The following ATRX variants were observed in gnomAD, a reference collection of about 807,000 sequenced individuals.
ATRX encodes the protein ATRX chromatin remodeler, also known as chromatin remodeler ATRX.
A neutral mutation model predicts 172.6 loss-of-function variants in ATRX; 12 were observed. That is an observed-to-expected ratio of 0.07 (90% CI 0.04 to 0.11). The LOEUF is 0.11. Ranked by LOEUF, ATRX falls within the 10% of genes least tolerant of loss-of-function variation. The probability of loss-of-function intolerance (pLI) is 1.00; values close to 1 mark genes in which losing one functional copy is unlikely to be tolerated. For synonymous variants in ATRX, 674 were observed against 594.7 expected (o/e 1.13, Z -1.94); for missense variants, 1,368 against 1,767.4 (o/e 0.77, Z 4.05).
chrX:77,538,700 A>G (rs193211230), intron 30 of ATRX, among the ~76,000 whole-genome samples: 25 of 111,799 alleles, frequency 2.2e-4, no homozygotes, highest in Admixed American at 1.9e-3. Flanking sequence ...AAAACACAGT[A>G]GCCTGAGCAA....
At chrX:77,600,874 T>C (rs2066648060) in intron 22 of ATRX, 1 of 204,501 alleles carries the variant, frequency 4.9e-6, no homozygotes, top group Non-Finnish European at 8.9e-6. Context: ...TTGATAAACA[T>C]AAATGATTTT....
Position 77,682,093 on chromosome X carries a change from T to G in ATRX, c.3163A>C (p.Lys1055Gln). Residue 1055 changes from lysine to glutamine, a missense_variant, in exon 9 of 35, where the codon AAA (lysine) becomes CAA (glutamine). Lys to Gln is a moderately conservative substitution (Grantham distance 53). Transcript: ENST00000373344. ...KSKKIRDKTS[K>Q]KKDELSDYAE... ...TAATCAGATAATTCATCCTTCTTTT[T>G]AGAAGTTTTATCTCTTATTTTTTTA... The G allele has an allele frequency of 8.3e-7, 1 of 1,209,812 alleles. No individual in the cohort carries two copies. Among genetic ancestry groups the G allele is most frequent in the East Asian group, 3.0e-5 (1 of 33,797 alleles).
intron 5 of ATRX, among the ~76,000 whole-genome samples, chrX:77,695,716 A>T (rs781904072): frequency 1.8e-5 from 2 of 111,495 alleles, no homozygotes; most frequent in East Asian, 5.6e-4. Context: ...TGTAACTTCT[A>T]ATTTATCCTA....
intron 30 of ATRX, among the ~76,000 whole-genome samples, chrX:77,553,590 T>G (rs1306497427): frequency 9.0e-6 from 1 of 111,730 alleles, no homozygotes; most frequent in Non-Finnish European, 1.9e-5. Flanking sequence ...AGTATCTCCT[T>G]ATACTCTTAT....
chrX:77,633,876 A>G (rs2068223715), intron 17 of ATRX, 164 bp from the exon 18 acceptor site: 1 of 483,435 alleles, frequency 2.1e-6, no homozygotes, highest in Admixed American at 3.7e-5. Flanking sequence ...GCCAAAGTTC[A>G]ACTAGATGAT....
intron 1 of ATRX, among the ~76,000 whole-genome samples, chrX:77,765,476 T>C (rs551518920): frequency 2.7e-5 from 3 of 111,390 alleles, no homozygotes; most frequent in African/African-American, 9.8e-5. Context: ...TTAACATACC[T>C]TAGAGAAAAA....
At chrX:77,655,372 G>T (rs1026179653) in intron 13 of ATRX, among the ~76,000 whole-genome samples, 9 of 110,522 alleles carry the variant, frequency 8.1e-5, no homozygotes, top group African/African-American at 2.6e-4. Flanking sequence ...AAAGAATGAA[G>T]TACTGATACA....
chrX:77,681,814 C>T lies in ATRX; in HGVS notation c.3442G>A (p.Glu1148Lys), dbSNP rs2148573185. 2 of 1,199,157 alleles carry T rather than the reference C, an allele frequency of 1.7e-6. No homozygotes were observed. The highest frequency in any genetic ancestry group is 2.2e-6 in the Non-Finnish European group (2 of 891,142). ...RNLSSKRNTK[E>K]IQSGSSSSDA... Reference sequence around the variant, plus strand: ...GATGATGATGAGCCACTTTGTATTTCCTTAGTATTTCTCTTTGAACTTAAA... The same window carrying T: ...GATGATGATGAGCCACTTTGTATTTTCTTAGTATTTCTCTTTGAACTTAAA... Residue 1148 changes from glutamate (E) to lysine (K), a missense_variant, in exon 9 of 35, where the codon GAA (glutamate) becomes AAA (lysine). Glu to Lys is a moderately conservative substitution (Grantham distance 56). Transcript: ENST00000373344.
chrX:77,738,162 C>G (rs1557180058), intron 1 of ATRX, among the ~76,000 whole-genome samples: 1 of 108,411 alleles, frequency 9.2e-6, no homozygotes, highest in Non-Finnish European at 1.9e-5. Flanking sequence ...TAGTGAGATC[C>G]CATCTCTACA....
At chrX:77,679,483 A>G (rs2071073786) in intron 9 of ATRX, among the ~76,000 whole-genome samples, 1 of 112,050 alleles carries the variant, frequency 8.9e-6, no homozygotes, top group African/African-American at 3.2e-5. Context: ...ATAAGTAATT[A>G]TCAAGAGATG....
chrX:77,582,319 G>C (rs1440830869), intron 27 of ATRX, among the ~76,000 whole-genome samples: 3 of 109,066 alleles, frequency 2.8e-5, no homozygotes, highest in African/African-American at 1.0e-4. Context: ...AGAATCATTT[G>C]AACCTGAGAG....
chrX:77,772,101 C>T (rs1270192314), intron 1 of ATRX, among the ~76,000 whole-genome samples: 1 of 110,513 alleles, frequency 9.0e-6, no homozygotes, highest in Admixed American at 9.7e-5. Flanking sequence ...TCGAGACCAT[C>T]CTGACCAACA....
At chrX:77,515,961 A>G (rs1355730975) in intron 34 of ATRX, among the ~76,000 whole-genome samples, 2 of 111,784 alleles carry the variant, frequency 1.8e-5, no homozygotes, top group Non-Finnish European at 3.8e-5. Context: ...ATCCTTAGCA[A>G]ACTAATGCAG....
chrX:77,702,129 C>G (rs1299410280), intron 2 of ATRX, among the ~76,000 whole-genome samples: 1 of 111,541 alleles, frequency 9.0e-6, no homozygotes, highest in Non-Finnish European at 1.9e-5. Context: ...CATAGAAGAT[C>G]CTAAGGAATC....
rs199972767 is a variant in ATRX at position 77,647,805 on chromosome X, TGATA to T, written c.4557+4305_4557+4308del. 6.2e-3 allele frequency among the ~76,000 whole-genome samples: 692 copies of T among 111,436 alleles called. 2 individuals are homozygous for T. Among genetic ancestry groups the T allele is most frequent in the Non-Finnish European group, 9.3e-3 (490 of 52,914 alleles). On this transcript the variant is annotated intron_variant, in intron 15 of 34. Transcript: ENST00000373344. ...CTATGAAATGCATAAAAAGATGTAC[TGATA>T]GATAAAGATTAGTACATAAATAGGA...
At chrX:77,697,476 T>G in intron 4 of ATRX, 107 bp downstream of exon 4, 1 of 756,364 alleles carries the variant, frequency 1.3e-6, no homozygotes, top group Non-Finnish European at 2.0e-6. Flanking sequence ...TATAGAATAG[T>G]TAACTCAGAA....
chrX:77,597,034 G>A (rs1307526015), intron 25 of ATRX, among the ~76,000 whole-genome samples: 5 of 111,057 alleles, frequency 4.5e-5, no homozygotes, highest in Non-Finnish European at 9.4e-5. Context: ...AGGAATTTAT[G>A]TGGAAAAGGC....
intron 34 of ATRX, 117 bp from the exon 35 acceptor site, chrX:77,508,746 T>C: frequency 9.0e-6 from 7 of 775,889 alleles, no homozygotes; most frequent in Non-Finnish European, 1.2e-5. Flanking sequence ...AAACACATTA[T>C]TGTTAACACC....
At chrX:77,617,496 C>T (rs781810285) in intron 21 of ATRX, among the ~76,000 whole-genome samples, 1 of 110,961 alleles carries the variant, frequency 9.0e-6, no homozygotes, top group Admixed American at 9.6e-5. Context: ...TAGCAAAATC[C>T]ATGAAAGTTC....
Sources: allele counts gnomAD v4.1 joint callset (sites outside exome capture counted in the v4.1 genomes callset), GRCh38; gene constraint gnomAD v4.1.1; transcripts MANE v1.5; gene names NCBI Gene and HGNC (gene_info 2026-07-23, HGNC 2026-07-21).